SHPRH: variants seen among roughly 807,000 people sequenced by gnomAD.
SHPRH encodes the protein SNF2 histone linker PHD RING helicase.
A neutral mutation model predicts 202.5 loss-of-function variants in SHPRH; 106 were observed. The ratio of observed to expected loss-of-function variants is 0.52; its 90% CI spans 0.45 to 0.62. The LOEUF is 0.62. SHPRH is among the 20% of genes least tolerant of loss of function. The pLI is 0.00. For missense variants in SHPRH, 1,710 were observed against 2,020.0 expected, an observed-to-expected ratio of 0.85 and a Z score of 2.94; for synonymous variants, 729 against 686.0, an observed-to-expected ratio of 1.06 and a Z score of -0.98.
At chr6:145,913,440 T>C (rs990926082) in intron 24 of SHPRH, 38 bp downstream of exon 24, 1 of 1,545,708 alleles carries the variant, frequency 6.5e-7, no homozygotes, top group Non-Finnish European at 8.9e-7. Flanking sequence ...AACTGTAAGG[T>C]ATTTTATAAA....
intron 2 of SHPRH, among the ~76,000 whole-genome samples, chr6:145,872,489 T>C (rs1465055437): frequency 6.6e-6 from 1 of 152,164 alleles, no homozygotes; most frequent in Non-Finnish European, 1.5e-5. Context: ...CCAAATGAGA[T>C]ACCATCTTAC....
At chr6:145,906,447 T>C (rs762552360) in intron 25 of SHPRH, 6 of 152,096 alleles carry the variant, frequency 3.9e-5, no homozygotes, top group Non-Finnish European at 5.9e-5. Context: ...CACCTATGCT[T>C]ATATCTTTTG....
chr6:145,883,939 A>G (rs1780775917), downstream of SHPRH: 1 of 152,212 alleles, frequency 6.6e-6, no homozygotes, highest in African/African-American at 2.4e-5. Context: ...GAGGTTATTC[A>G]GCACGGTGAT....
intron 25 of SHPRH, chr6:145,907,469 C>A (rs1473540950): frequency 3.3e-5 from 5 of 152,116 alleles, no homozygotes; most frequent in Non-Finnish European, 7.4e-5. Flanking sequence ...TACATCCCTG[C>A]TTATAATATT....
At chr6:145,922,157 T>C in intron 20 of SHPRH, 129 bp downstream of exon 20, 1 of 743,226 alleles carries the variant, frequency 1.3e-6, no homozygotes. Flanking sequence ...AAAGGTGTAC[T>C]AATCAATTTA....
intron 23 of SHPRH, among the ~76,000 whole-genome samples, chr6:145,914,213 G>A (rs1284769670): frequency 6.6e-6 from 1 of 152,066 alleles, no homozygotes; most frequent in Non-Finnish European, 1.5e-5. Flanking sequence ...TTTGGCAGTT[G>A]GTAGGCTATC....
chr6:145,910,958 A>C (rs895619075), intron 24 of SHPRH, among the ~76,000 whole-genome samples: 8 of 152,124 alleles, frequency 5.3e-5, no homozygotes, highest in African/African-American at 1.4e-4. Context: ...GGGACTTAGA[A>C]TATTAATTTG....
Position 145,945,643 on chromosome 6 carries a change from T to C in SHPRH, c.1322-6A>G. 2 of 1,595,308 alleles carry C rather than the reference T, an allele frequency of 1.3e-6. No individual in the cohort carries two copies. The highest frequency in any genetic ancestry group is 1.7e-6 in the Non-Finnish European group (2 of 1,173,386). On this transcript the variant is annotated splice_polypyrimidine_tract_variant and splice_region_variant and intron_variant, in intron 7 of 29. Transcript: ENST00000275233. The stretch of plus-strand genomic sequence containing the variant: ...CAGTATCATCACACGTGTAGCTAAA[T>C]GTAAAAGGATATGCTAAATCAGTCA...
chr6:145,951,321 CT>C (rs2128798798), intron 3 of SHPRH, among the ~76,000 whole-genome samples: 1 of 152,150 alleles, frequency 6.6e-6, no homozygotes, highest in East Asian at 1.9e-4. Context: ...GGCCTATATA[CT>C]TTTATAGGAC....
In SHPRH at chr6:145,921,077, A is replaced by C. The variant is rs1784396242; in HGVS notation, c.4008+90T>G. Reference sequence around the variant, plus strand: ...CACCTCAATCTCAAAAGAAGATTTTAAAAAACTGGAGAGAGAAAAAAGTAG... The same window carrying C: ...CACCTCAATCTCAAAAGAAGATTTTCAAAAACTGGAGAGAGAAAAAAGTAG... On this transcript the variant is annotated intron_variant, in intron 21 of 29. Coordinates refer to ENST00000275233, the MANE Select transcript of SHPRH (RefSeq NM_001042683.3). 2.1e-5 allele frequency: 24 copies of C among 1,147,652 alleles called. No homozygotes were observed. The South Asian group carries it at 3.9e-4, about 19-fold the overall frequency. The allele number at this position is 1,147,652 out of a possible 1,614,324, so 71.1% of individuals were successfully genotyped here.
chr6:145,943,738 G>C lies in SHPRH; in HGVS notation c.1643C>G (p.Ser548Cys). The C allele has an allele frequency of 6.2e-7, 1 of 1,611,798 alleles. No homozygotes were observed. Among genetic ancestry groups the C allele is most frequent in the Non-Finnish European group, 8.5e-7 (1 of 1,179,478 alleles). Residue 548 changes from serine to cysteine, a missense_variant, in exon 9 of 30, where the codon TCT (serine) becomes TGT (cysteine). Ser to Cys is a moderately radical substitution (Grantham distance 112, BLOSUM62 -1). This residue lies in a region of SHPRH where 348 missense variants were observed against 356.9 expected (regional missense o/e 0.97). Transcript: ENST00000275233. ...TRKSGNKDTD[S>C]EYLPSDTSDD... ...AGAGGTGTCTGATGGCAAGTATTCA[G>C]AATCTGTGTCCTTGTTCCCTGATTT... is the stretch of plus-strand genomic sequence containing the variant.
At position 145,893,209 on chromosome 6, in the gene SHPRH, C is replaced by G. The variant is rs371108887; in HGVS notation, c.4874+6G>C. ...AAATGTGACTGATTCTAATTTTAGT[C>G]CTTACTTTGTCTGTCCAATTCGGTG... is the stretch of plus-strand genomic sequence containing the variant. On this transcript the variant is annotated splice_donor_region_variant and intron_variant, in intron 28 of 29. Coordinates refer to ENST00000275233, the MANE Select transcript of SHPRH (RefSeq NM_001042683.3). 59 of 1,497,434 alleles carry G rather than the reference C, an allele frequency of 3.9e-5. No individual in the cohort carries two copies. Among genetic ancestry groups the G allele is most frequent in the Admixed American group, 4.9e-5 (2 of 40,514 alleles). 92.8% of individuals were successfully genotyped at this position (1,497,434 alleles called of 1,614,324 possible).
chr6:145,880,673 A>G (rs1780519261), downstream of SHPRH, among the ~76,000 whole-genome samples: 2 of 151,746 alleles, frequency 1.3e-5, no homozygotes, highest in Admixed American at 1.3e-4. Flanking sequence ...AAAACTTTTC[A>G]GGAAGGGTAC....
At position 145,900,237 on chromosome 6, in the gene SHPRH, G is replaced by A. The variant is rs189542278; in HGVS notation, c.4516-5260C>T. ...TTTCAGCATTATTCATGGTAGCCAA[G>A]ACATGGAATCAATGTAAGTGTCCAT... On this transcript the variant is annotated intron_variant, in intron 25 of 29. Transcript: ENST00000275233. Among the ~76,000 whole-genome samples the A allele has an allele frequency of 5.9e-5, 9 of 152,222 alleles. No homozygotes were observed. The East Asian group carries it at 1.7e-3, about 29-fold the overall frequency.
At chr6:145,957,871 A>G (rs1349290270) in intron 1 of SHPRH, among the ~76,000 whole-genome samples, 1 of 152,224 alleles carries the variant, frequency 6.6e-6, no homozygotes, top group African/African-American at 2.4e-5. Context: ...AAAAATTTAA[A>G]CTTGAATGTT....
At chr6:145,899,608 G>C (rs766771971) in intron 25 of SHPRH, among the ~76,000 whole-genome samples, 2 of 152,032 alleles carry the variant, frequency 1.3e-5, no homozygotes, top group Non-Finnish European at 2.9e-5. Context: ...TCTTGGTAAA[G>C]ACTTTTTGGA....
chr6:145,865,706 G>C (rs533430636), intron 2 of SHPRH, among the ~76,000 whole-genome samples: 1 of 152,342 alleles, frequency 6.6e-6, no homozygotes, highest in Admixed American at 6.5e-5. Context: ...AGTATGGGCA[G>C]AGGCCCGGGC....
rs1783285510 is a variant in SHPRH at position 145,909,435 on chromosome 6, G to C, written c.4515+1013C>G. 2 of 152,030 alleles carry C rather than the reference G, an allele frequency of 1.3e-5. 1 individual carries two copies. The highest frequency in any genetic ancestry group is 1.3e-4 in the Admixed American group (2 of 15,232). 9.4% of individuals were successfully genotyped at this position (152,030 alleles called of 1,614,324 possible). On this transcript the variant is annotated intron_variant, in intron 25 of 29. Coordinates refer to ENST00000275233, the MANE Select transcript of SHPRH (RefSeq NM_001042683.3). ...ATTCTGTTTATCCCAACAGACTAAA[G>C]AGCAATATAACTGATATTTTCAGGT... is the stretch of plus-strand genomic sequence containing the variant.
At chr6:145,870,309 T>G (rs973180599) in intron 2 of SHPRH, among the ~76,000 whole-genome samples, 2 of 148,506 alleles carry the variant, frequency 1.3e-5, no homozygotes, top group Non-Finnish European at 3.0e-5. Flanking sequence ...TCGCCCAGGC[T>G]GGAGTGCAGT....
Sources: allele counts gnomAD v4.1 joint callset (sites outside exome capture counted in the v4.1 genomes callset), GRCh38; gene constraint gnomAD v4.1.1; regional missense constraint gnomAD v4.1.1; transcripts MANE v1.5; gene names NCBI Gene and HGNC (gene_info 2026-07-23, HGNC 2026-07-21).